ERBB4: variants seen among roughly 807,000 people sequenced by gnomAD.
ERBB4 encodes receptor tyrosine-protein kinase erbB-4.
A neutral mutation model predicts 158.0 loss-of-function variants in ERBB4; 42 were observed. That is an observed-to-expected ratio of 0.27 (90% CI 0.21 to 0.34). The LOEUF (loss-of-function observed/expected upper bound fraction) is 0.34. Ranked by LOEUF, ERBB4 falls within the 10% of genes least tolerant of loss-of-function variation. The pLI is 1.00. For synonymous variants in ERBB4, 583 were observed against 558.7 expected (o/e 1.04, Z -0.61); for missense variants, 1,333 against 1,624.1 (o/e 0.82, Z 3.08).
intron 2 of ERBB4, among the ~76,000 whole-genome samples, chr2:212,062,383 T>C (rs1363762196): frequency 1.4e-5 from 2 of 147,216 alleles, no homozygotes; most frequent in African/African-American, 2.5e-5. Flanking sequence ...CCTACTACTC[T>C]TCTCACTTGT....
chr2:212,172,292 G>A (rs1426985069), intron 1 of ERBB4, among the ~76,000 whole-genome samples: 1 of 91,346 alleles, frequency 1.1e-5, no homozygotes, highest in East Asian at 2.0e-4. Flanking sequence ...TGGAGAAAAA[G>A]GAATGTTTTT....
chr2:212,383,275 G>T (rs2090570148), intron 1 of ERBB4, among the ~76,000 whole-genome samples: 1 of 151,194 alleles, frequency 6.6e-6, no homozygotes, highest in African/African-American at 2.4e-5. Flanking sequence ...CCTACAATTG[G>T]TTTATGAAGA....
At chr2:212,321,499 G>C (rs748248267) in intron 1 of ERBB4, among the ~76,000 whole-genome samples, 1 of 150,202 alleles carries the variant, frequency 6.7e-6, no homozygotes, top group Non-Finnish European at 1.5e-5. Context: ...GACCATCCTG[G>C]GCAACATAGC....
chr2:211,515,313 G>A (rs2065993525), intron 20 of ERBB4, among the ~76,000 whole-genome samples: 2 of 152,070 alleles, frequency 1.3e-5, no homozygotes, highest in African/African-American at 4.8e-5. Flanking sequence ...AGAAGTAATA[G>A]AAAACCCATT....
chr2:211,861,067 A>AATATATTT (rs2078015432), intron 3 of ERBB4, among the ~76,000 whole-genome samples: 1 of 48,752 alleles, frequency 2.1e-5, no homozygotes, highest in Non-Finnish European at 3.6e-5. Context: ...ATATAAATAT[A>AATATATTT]ATATATTTAT....
intron 13 of ERBB4, among the ~76,000 whole-genome samples, chr2:211,674,501 G>A (rs1358720593): frequency 6.6e-6 from 1 of 152,088 alleles, no homozygotes; most frequent in East Asian, 1.9e-4. Context: ...AATTATGTAT[G>A]AAATGCACAT....
rs76916523 is a variant in ERBB4 at position 212,227,420 on chromosome 2, G to A, written c.83-102517C>T. On this transcript the variant is annotated intron_variant, in intron 1 of 27. Transcript: ENST00000342788. Reference sequence around the variant, plus strand: ...TTGTTCAGAAAAGGGGATATATGACGAGCTCTTCTATATTCATGAGGTGTT... The same window carrying A: ...TTGTTCAGAAAAGGGGATATATGACAAGCTCTTCTATATTCATGAGGTGTT... Among the ~76,000 whole-genome samples, 1,410 of 152,110 alleles carry A rather than the reference G, an allele frequency of 9.3e-3. 15 individuals are homozygous for A. Among genetic ancestry groups the A allele is most frequent in the African/African-American group, 0.031 (1,293 of 41,504 alleles).
At chr2:211,864,980 C>T (rs2078167830) in intron 3 of ERBB4, among the ~76,000 whole-genome samples, 1 of 151,938 alleles carries the variant, frequency 6.6e-6, no homozygotes, top group Admixed American at 6.6e-5. Context: ...CACTGTACTC[C>T]TGCCTGTCCT....
intron 20 of ERBB4, among the ~76,000 whole-genome samples, chr2:211,446,713 A>ATG (rs1245362148): frequency 1.4e-4 from 21 of 152,274 alleles, no homozygotes; most frequent in Non-Finnish European, 8.8e-5. Flanking sequence ...TAAAAGTATC[A>ATG]GATAACTTTA....
intron 2 of ERBB4, among the ~76,000 whole-genome samples, chr2:212,103,416 A>G (rs923959069): frequency 5.3e-5 from 8 of 152,130 alleles, no homozygotes; most frequent in African/African-American, 1.9e-4. Context: ...AATATATGTG[A>G]TTTTAATGCA....
chr2:211,814,440 A>G (rs991175426), intron 3 of ERBB4, among the ~76,000 whole-genome samples: 2 of 152,158 alleles, frequency 1.3e-5, no homozygotes, highest in Non-Finnish European at 2.9e-5. Context: ...AAGACATTAA[A>G]TTAAAACTCT....
rs370886228 is a variant in ERBB4, at chr2:211,992,592, T to C, written c.235-44976A>G. Among the ~76,000 whole-genome samples the C allele has an allele frequency of 8.6e-5, 13 of 150,476 alleles. No homozygotes were observed. The South Asian group carries it at 2.1e-3, about 24-fold the overall frequency. On this transcript the variant is annotated intron_variant, in intron 2 of 27. Coordinates refer to ENST00000342788, the MANE Select transcript of ERBB4 (RefSeq NM_005235.3). ...GAAAAAAAAAAAAAACATGAGTTTG[T>C]CAGGGGCAGAAATCAATGATAAATA... is the stretch of plus-strand genomic sequence containing the variant.
intron 12 of ERBB4, among the ~76,000 whole-genome samples, chr2:211,695,970 ATCCT>A (rs572159608): frequency 6.1e-5 from 9 of 146,548 alleles, no homozygotes; most frequent in East Asian, 6.1e-4. Context: ...CTTTCTTTTT[ATCCT>A]TCCTTCCTTC....
chr2:212,360,561 G>C (rs2089649110), intron 1 of ERBB4, among the ~76,000 whole-genome samples: 2 of 151,560 alleles, frequency 1.3e-5, no homozygotes, highest in Middle Eastern at 6.8e-3. Context: ...CTAATGTTTG[G>C]CATATCATGG....
rs2062553608 is a variant in ERBB4, at chr2:211,380,325, T to C, written c.*3290A>G. ...CCATCTTTCCTCACCTGTTTACCAC[T>C]TTCTTTAGGCAATCATTTAACTGCA... On this transcript the variant is annotated 3_prime_UTR_variant, in exon 28 of 28. Transcript: ENST00000342788. 8.6e-6 allele frequency: 2 copies of C among 232,240 alleles called. No individual in the cohort carries two copies. The highest frequency in any genetic ancestry group is 2.2e-5 in the African/African-American group (1 of 45,286). 14.4% of individuals were successfully genotyped at this position (232,240 alleles called of 1,614,324 possible). A position where few individuals can be genotyped will look rare whatever the true frequency, so the allele number is the denominator to read the frequency against.
intron 1 of ERBB4, among the ~76,000 whole-genome samples, chr2:212,313,658 T>C (rs930276489): frequency 6.0e-5 from 9 of 151,052 alleles, no homozygotes; most frequent in African/African-American, 2.2e-4. Flanking sequence ...TTTATGAATA[T>C]CATGAAATCT....
intron 19 of ERBB4, among the ~76,000 whole-genome samples, chr2:211,597,607 A>T (rs547416555): frequency 3.9e-5 from 6 of 152,154 alleles, no homozygotes; most frequent in Non-Finnish European, 7.4e-5. Flanking sequence ...AATTCTCATT[A>T]TCAAGGTAAA....
chr2:212,341,349 C>A (rs997476247), intron 1 of ERBB4, among the ~76,000 whole-genome samples: 4 of 151,736 alleles, frequency 2.6e-5, no homozygotes, highest in Non-Finnish European at 4.4e-5. Context: ...TGAAAATATC[C>A]AGAAATGTCT....
At chr2:211,495,684 A>G (rs757200893) in intron 20 of ERBB4, among the ~76,000 whole-genome samples, 5 of 152,148 alleles carry the variant, frequency 3.3e-5, no homozygotes, top group Admixed American at 6.5e-5. Flanking sequence ...CAACGCAAAT[A>G]AAGTACCACC....
Sources: gnomAD v4.1 joint callset for allele counts (sites outside exome capture counted in the v4.1 genomes callset) on GRCh38, gnomAD v4.1.1 for gene constraint, MANE v1.5 for transcripts, NCBI Gene and HGNC (gene_info 2026-07-23, HGNC 2026-07-21) for gene names.